The following SPAG16 variants were observed in gnomAD, a reference collection of about 807,000 sequenced individuals.
SPAG16 encodes sperm associated antigen 16, also known as sperm-associated antigen 16 protein.
Under a neutral mutation model 80.4 loss-of-function variants are expected in SPAG16, and 86 were observed. The observed-to-expected ratio is 1.07, with a 90% CI of 0.90 to 1.28. The LOEUF is 1.28. Among genes scored for constraint, SPAG16 ranks in the 50% most tolerant of loss-of-function variants. The pLI is 0.00. For synonymous variants in SPAG16, 294 were observed against 265.9 expected (o/e 1.11, Z -1.03); for missense variants, 870 against 765.3 (o/e 1.14, Z -1.61).
chr2:214,347,592 C>T (rs1912214), intron 15 of SPAG16, among the ~76,000 whole-genome samples: 104,270 of 151,946 alleles, frequency 0.69, 40,013 homozygotes, highest in South Asian at 0.86. Flanking sequence ...ATGTTAAGGG[C>T]ATTATTTAAA....
intron 15 of SPAG16, among the ~76,000 whole-genome samples, chr2:214,184,594 G>C (rs1486972217): frequency 6.6e-6 from 1 of 151,956 alleles, no homozygotes; most frequent in African/African-American, 2.4e-5. Flanking sequence ...TTACTTAAGG[G>C]GGAATCTGCA....
At chr2:214,007,092 A>T (rs983701204) in intron 12 of SPAG16, among the ~76,000 whole-genome samples, 2 of 152,224 alleles carry the variant, frequency 1.3e-5, no homozygotes, top group African/African-American at 2.4e-5. Flanking sequence ...ATATTACTAG[A>T]TTATAAATTC....
intron 10 of SPAG16, among the ~76,000 whole-genome samples, chr2:213,752,059 C>T (rs566269793): frequency 2.2e-4 from 33 of 152,184 alleles, no homozygotes; most frequent in African/African-American, 7.0e-4. Flanking sequence ...TCCAAATTGC[C>T]GTAGCTAGAA....
chr2:214,029,811 A>C (rs1293642549), intron 13 of SPAG16, among the ~76,000 whole-genome samples: 2 of 152,168 alleles, frequency 1.3e-5, no homozygotes, highest in Admixed American at 1.3e-4. Flanking sequence ...TGCTCTTAAC[A>C]GCTGTATGGA....
At chr2:213,691,297 G>C (rs1424297057) in intron 10 of SPAG16, among the ~76,000 whole-genome samples, 2 of 152,154 alleles carry the variant, frequency 1.3e-5, no homozygotes, top group Non-Finnish European at 2.9e-5. Flanking sequence ...TGACAATCTA[G>C]ATCTTCTGAG....
At position 213,632,717 on chromosome 2, in the gene SPAG16, A is replaced by G. The variant is rs568394071; in HGVS notation, c.1070+142627A>G. On this transcript the variant is annotated intron_variant, in intron 10 of 15. Coordinates refer to ENST00000331683, the MANE Select transcript of SPAG16 (RefSeq NM_024532.5). ...TTTATCAAATACTTTTACAGCATCAATTGAAATGATCATATGGTTTTTATC... is the reference window on the plus strand; with the variant it reads ...TTTATCAAATACTTTTACAGCATCAGTTGAAATGATCATATGGTTTTTATC... Among the ~76,000 whole-genome samples, 193 of 152,262 alleles carry G rather than the reference A, an allele frequency of 1.3e-3. 2 individuals are homozygous for G. The highest frequency in any genetic ancestry group is 6.8e-3 in the Middle Eastern group (2 of 294).
At chr2:213,312,532 C>T (rs73987972) in intron 4 of SPAG16, among the ~76,000 whole-genome samples, 12 of 151,584 alleles carry the variant, frequency 7.9e-5, no homozygotes, top group Admixed American at 5.9e-4. Context: ...CTTTTTAAAC[C>T]ATTTTTCCCT....
chr2:214,131,973 T>C (rs2054805728), intron 14 of SPAG16, among the ~76,000 whole-genome samples: 1 of 152,100 alleles, frequency 6.6e-6, no homozygotes, highest in Non-Finnish European at 1.5e-5. Context: ...GGTTCACCAA[T>C]TGTAACAAGT....
chr2:213,521,691 A>G (rs1384259253), intron 10 of SPAG16, among the ~76,000 whole-genome samples: 1 of 152,240 alleles, frequency 6.6e-6, no homozygotes, highest in African/African-American at 2.4e-5. Flanking sequence ...GGCCAATGTC[A>G]ATATCAAAAA....
At chr2:213,700,639 A>C (rs906363752) in intron 10 of SPAG16, among the ~76,000 whole-genome samples, 1 of 152,202 alleles carries the variant, frequency 6.6e-6, no homozygotes, top group African/African-American at 2.4e-5. Flanking sequence ...TGCAGAAATG[A>C]TTTTCATTCT....
At chr2:213,719,329 C>T (rs1388365594) in intron 10 of SPAG16, among the ~76,000 whole-genome samples, 7 of 151,944 alleles carry the variant, frequency 4.6e-5, no homozygotes, top group Non-Finnish European at 1.0e-4. Context: ...TGTAAACACA[C>T]CAATCAGCAC....
At chr2:213,863,768 C>A (rs2075577855) in intron 11 of SPAG16, among the ~76,000 whole-genome samples, 1 of 152,104 alleles carries the variant, frequency 6.6e-6, no homozygotes, top group South Asian at 2.1e-4. Context: ...CCATGACAGC[C>A]AGTGACTCAG....
chr2:213,984,247 G>T (rs143381939), intron 12 of SPAG16, among the ~76,000 whole-genome samples: 3 of 152,032 alleles, frequency 2.0e-5, no homozygotes, highest in African/African-American at 4.8e-5. Flanking sequence ...GCTTCAAATT[G>T]ACATTGCATA....
At chr2:213,934,922 G>T (rs1480586922) in intron 12 of SPAG16, among the ~76,000 whole-genome samples, 3 of 152,122 alleles carry the variant, frequency 2.0e-5, no homozygotes, top group African/African-American at 7.2e-5. Flanking sequence ...ACACTTCCAG[G>T]CCTGGTGCGG....
At chr2:213,705,887 A>C (rs963335011) in intron 10 of SPAG16, among the ~76,000 whole-genome samples, 1 of 152,150 alleles carries the variant, frequency 6.6e-6, no homozygotes, top group East Asian at 1.9e-4. Flanking sequence ...AATTTATGCA[A>C]ATCCCATATG....
intron 13 of SPAG16, among the ~76,000 whole-genome samples, chr2:214,087,460 T>A (rs2051847487): frequency 6.6e-6 from 1 of 152,134 alleles, no homozygotes; most frequent in Non-Finnish European, 1.5e-5. Flanking sequence ...ATTCATTATG[T>A]CCCAGGAAAC....
At chr2:214,180,110 T>G (rs1178358940) in intron 15 of SPAG16, among the ~76,000 whole-genome samples, 1 of 151,656 alleles carries the variant, frequency 6.6e-6, no homozygotes, top group African/African-American at 2.4e-5. Flanking sequence ...TTACTAAATA[T>G]GACAATGTAT....
chr2:214,171,320 A>G (rs2056861032), intron 15 of SPAG16, among the ~76,000 whole-genome samples: 1 of 151,940 alleles, frequency 6.6e-6, no homozygotes, highest in African/African-American at 2.4e-5. Flanking sequence ...TAGATAGTTT[A>G]TGGGTGCTTA....
At chr2:213,972,977 G>C (rs902952375) in intron 12 of SPAG16, among the ~76,000 whole-genome samples, 2 of 151,882 alleles carry the variant, frequency 1.3e-5, no homozygotes, top group African/African-American at 4.8e-5. Flanking sequence ...CAAGTGCTTG[G>C]AAACAAAACA....
Sources: allele counts gnomAD v4.1 joint callset (sites outside exome capture counted in the v4.1 genomes callset), GRCh38; gene constraint gnomAD v4.1.1; transcripts MANE v1.5; gene names NCBI Gene and HGNC (gene_info 2026-07-23, HGNC 2026-07-21).